Variants in SLCO2B1 observed in about 807,000 individuals in gnomAD.
SLCO2B1 encodes the protein OATP-RP2.
SLCO2B1 carries 41 observed loss-of-function variants against 67.3 expected under a neutral mutation model. The ratio of observed to expected loss-of-function variants is 0.61; its 90% CI spans 0.47 to 0.79. The LOEUF is 0.79. SLCO2B1 is among the 30% of genes least tolerant of loss of function. The pLI is 0.00. For missense variants in SLCO2B1, 837 were observed against 920.1 expected (o/e 0.91, Z 1.17); for synonymous variants, 379 against 381.4 (o/e 0.99, Z 0.07).
chr11:75,163,583 C>G (rs578154202), intron 2 of SLCO2B1, among the ~76,000 whole-genome samples: 3 of 152,056 alleles, frequency 2.0e-5, no homozygotes, highest in Non-Finnish European at 4.4e-5. Context: ...GGGGCTCCCA[C>G]CATTCCTGGC....
At chr11:75,159,949 G>A in intron 1 of SLCO2B1, 1 of 765,448 alleles carries the variant, frequency 1.3e-6, no homozygotes, top group Non-Finnish European at 1.6e-6. Context: ...CAGGGGGCTG[G>A]AACTGGGGCT....
intron 2 of SLCO2B1, 32 bp downstream of exon 2, chr11:75,162,817 G>T (rs1442245315): frequency 1.2e-6 from 2 of 1,601,532 alleles, no homozygotes; most frequent in Admixed American, 1.8e-5. Context: ...GGGCCTCCGA[G>T]TCTAGAAGAG....
At chr11:75,179,726 GGTTTT>G (rs747391777) in intron 7 of SLCO2B1, among the ~76,000 whole-genome samples, 8 of 151,982 alleles carry the variant, frequency 5.3e-5, no homozygotes, top group Middle Eastern at 3.4e-3. Flanking sequence ...CTTAGTTGTT[GGTTTT>G]GTTTTGTTTT....
At chr11:75,200,538 C>T in intron 11 of SLCO2B1, 151 bp downstream of exon 11, 1 of 680,414 alleles carries the variant, frequency 1.5e-6, no homozygotes, top group East Asian at 3.2e-5. Flanking sequence ...CATCCCATGG[C>T]AACCTACTGA....
chr11:75,162,780 A>G lies in SLCO2B1; in HGVS notation c.142A>G (p.Ile48Val), dbSNP rs533776004. 107 of 1,613,458 alleles carry G rather than the reference A, an allele frequency of 6.6e-5. No homozygotes were observed. Among genetic ancestry groups the G allele is most frequent in the Non-Finnish European group, 8.9e-5 (105 of 1,179,766 alleles). ...QDVRPSVFHN[I>V]KLFVLCHSLL... ...CGTGCGGCCAAGTGTGTTCCATAAC[A>G]TCAAGGTACCTCTCAGGGCCTGGCA... The change falls in exon 2 of 14, where the codon ATC (isoleucine) becomes GTC (valine). Residue 48 changes from isoleucine to valine, a missense_variant. Ile to Val is a conservative substitution (Grantham distance 29). Coordinates refer to ENST00000289575, the MANE Select transcript of SLCO2B1 (RefSeq NM_007256.5).
chr11:75,153,276 T>G (rs1404994718), intron 1 of SLCO2B1, among the ~76,000 whole-genome samples: 1 of 152,212 alleles, frequency 6.6e-6, no homozygotes, highest in African/African-American at 2.4e-5. Flanking sequence ...TCATCCCTCC[T>G]TGTTTCCGGT....
At chr11:75,159,400 A>G (rs1949786349) in intron 1 of SLCO2B1, among the ~76,000 whole-genome samples, 2 of 152,188 alleles carry the variant, frequency 1.3e-5, no homozygotes, top group Admixed American at 6.5e-5. Context: ...TCATTCCCGC[A>G]GGCAACCGCC....
chr11:75,158,801 G>A (rs1253641369), intron 1 of SLCO2B1, among the ~76,000 whole-genome samples: 1 of 152,206 alleles, frequency 6.6e-6, no homozygotes, highest in East Asian at 1.9e-4. Context: ...AGGCCTTAAA[G>A]CCTATTCTCA....
chr11:75,198,734 G>A (rs1225216497), intron 10 of SLCO2B1, among the ~76,000 whole-genome samples: 1 of 152,210 alleles, frequency 6.6e-6, no homozygotes. Context: ...TGCCTCCTTG[G>A]ATTGTGAACA....
At chr11:75,162,014 C>T (rs1031843557) in intron 1 of SLCO2B1, among the ~76,000 whole-genome samples, 7 of 152,132 alleles carry the variant, frequency 4.6e-5, no homozygotes, top group East Asian at 3.8e-4. Context: ...TTAAGTGAGA[C>T]GAGCTCAGAG....
chr11:75,165,989 C>T, intron 4 of SLCO2B1, 40 bp downstream of exon 4: 1 of 1,592,240 alleles, frequency 6.3e-7, no homozygotes, highest in Non-Finnish European at 8.6e-7. Flanking sequence ...GGACGTTAGC[C>T]TCTGCATTGC....
In SLCO2B1 at chr11:75,169,389, A is replaced by C; in HGVS notation, c.665A>C (p.Asn222Thr). 1 of 1,599,966 alleles carries C rather than the reference A, an allele frequency of 6.3e-7. No homozygotes were observed. Among genetic ancestry groups the C allele is most frequent in the Non-Finnish European group, 8.5e-7 (1 of 1,170,630 alleles). The stretch of plus-strand genomic sequence containing the variant: ...ATCGATGACTTTGCCCACAACAGCA[A>C]CTCGCCCCTCTACCTCGGTGAGGAC... Reference protein sequence around the residue: ...SYIDDFAHNSNSPLYLGILFA... With the variant: ...SYIDDFAHNSTSPLYLGILFA... Residue 222 changes from asparagine to threonine, a missense_variant, in exon 5 of 14, where the codon AAC (asparagine) becomes ACC (threonine). Coordinates refer to ENST00000289575, the MANE Select transcript of SLCO2B1 (RefSeq NM_007256.5).
chr11:75,169,097 A>G (rs1949927394), intron 4 of SLCO2B1, 76 bp from the exon 5 acceptor site: 11 of 1,216,896 alleles, frequency 9.0e-6, no homozygotes, highest in Non-Finnish European at 1.3e-5. Context: ...AGCACTTAGA[A>G]CAGTACCTTC....
rs142172404 is a variant in SLCO2B1, at chr11:75,199,128, A to G, written c.1600-1096A>G. ...TCCCTCCATTGTATCTCCAGCCTGT[A>G]GTTGGAGGTTCAGGGGCCGCTTTTC... On this transcript the variant is annotated intron_variant, in intron 10 of 13. Coordinates refer to ENST00000289575, the MANE Select transcript of SLCO2B1 (RefSeq NM_007256.5). 3.9e-3 allele frequency among the ~76,000 whole-genome samples: 600 copies of G among 152,192 alleles called. 8 individuals carry two copies. The highest frequency in any genetic ancestry group is 0.014 in the Middle Eastern group (4 of 294).
intron 4 of SLCO2B1, 54 bp downstream of exon 4, chr11:75,166,003 G>A: frequency 6.4e-7 from 1 of 1,564,240 alleles, no homozygotes. Context: ...GCATTGCTTT[G>A]CGCTGGGGCC....
chr11:75,186,160 C>T (rs1370828412), intron 7 of SLCO2B1, among the ~76,000 whole-genome samples: 1 of 152,126 alleles, frequency 6.6e-6, no homozygotes, highest in Non-Finnish European at 1.5e-5. Flanking sequence ...ATCCTCCCTC[C>T]TCAGCCTCTT....
intron 1 of SLCO2B1, chr11:75,159,794 C>CT (rs1949792846): frequency 1.0e-6 from 1 of 976,264 alleles, no homozygotes; most frequent in Non-Finnish European, 1.2e-6. Flanking sequence ...AGCCATATCT[C>CT]TAAAGGATAA....
In SLCO2B1 at chr11:75,202,571, A is replaced by G. The variant is rs1436198338; in HGVS notation, c.1764-330A>G. On this transcript the variant is annotated intron_variant, in intron 11 of 13. Transcript: ENST00000289575. ...GGAAGTGTCTGACTGTCCCAGCTCC[A>G]GGTCTTGCCAACTGTAGGAGTAAGG... 4 of 316,812 alleles carry G rather than the reference A, an allele frequency of 1.3e-5. No homozygotes were observed. In the East Asian group the frequency reaches 2.3e-4, roughly 18 times the overall value. The allele number at this position is 316,812 out of a possible 1,614,324, so 19.6% of individuals were successfully genotyped here. A position where few individuals can be genotyped will look rare whatever the true frequency, so the allele number is the denominator to read the frequency against.
At chr11:75,177,973 A>T (rs1197003111) in intron 7 of SLCO2B1, among the ~76,000 whole-genome samples, 1 of 152,012 alleles carries the variant, frequency 6.6e-6, no homozygotes. Context: ...GGGCACCTGT[A>T]GCCCCAGCTA....
Sources: gnomAD v4.1 joint callset for allele counts (sites outside exome capture counted in the v4.1 genomes callset) on GRCh38, gnomAD v4.1.1 for gene constraint, MANE v1.5 for transcripts, NCBI Gene and HGNC (gene_info 2026-07-23, HGNC 2026-07-21) for gene names.